SYNPO2: variants seen among roughly 807,000 people sequenced by gnomAD.
The protein encoded by SYNPO2 is synaptopodin-2.
SYNPO2 carries 56 observed loss-of-function variants against 85.0 expected under a neutral mutation model. The ratio of observed to expected loss-of-function variants is 0.66; its 90% confidence interval spans 0.53 to 0.82. The LOEUF (loss-of-function observed/expected upper bound fraction) is 0.82, where lower values mean the gene tolerates loss of function less well. Ranked by LOEUF, SYNPO2 falls within the 40% of genes least tolerant of loss-of-function variation. The pLI is 0.00. For synonymous variants in SYNPO2, 602 were observed against 591.1 expected (o/e 1.02, Z -0.27); for missense variants, 1,575 against 1,534.2 (o/e 1.03, Z -0.44).
intron 1 of SYNPO2, among the ~76,000 whole-genome samples, chr4:118,864,618 C>T (rs1474668645): frequency 1.3e-5 from 2 of 152,110 alleles, no homozygotes; most frequent in Non-Finnish European, 2.9e-5. Context: ...TATCCGGGTG[C>T]GTGCTCTAGT....
chr4:118,982,930 T>G (rs766489185), intron 1 of SYNPO2, among the ~76,000 whole-genome samples: 2 of 151,842 alleles, frequency 1.3e-5, no homozygotes, highest in Non-Finnish European at 2.9e-5. Flanking sequence ...TAAAGAAAGA[T>G]CTGGAAGCTA....
chr4:118,850,915 A>T (rs1201242268), exon 1 of SYNPO2: 3 of 398,646 alleles, frequency 7.5e-6, no homozygotes, highest in Admixed American at 8.8e-5. Flanking sequence ...CACAAAAGAG[A>T]TGAGACAAGA....
At chr4:118,989,548 A>G (rs1039103671) in intron 1 of SYNPO2, among the ~76,000 whole-genome samples, 1 of 152,156 alleles carries the variant, frequency 6.6e-6, no homozygotes, top group East Asian at 1.9e-4. Flanking sequence ...AGAGTCACGG[A>G]CTCGTTTTAT....
At chr4:119,035,813 G>C (rs1738484847) in intron 4 of SYNPO2, 1 of 863,236 alleles carries the variant, frequency 1.2e-6, no homozygotes, top group Non-Finnish European at 1.3e-6. Context: ...TCACATCTGA[G>C]ATGTCCAAAA....
intron 1 of SYNPO2, among the ~76,000 whole-genome samples, chr4:118,930,933 AAAAAT>A (rs1274943279): frequency 1.3e-5 from 2 of 150,600 alleles, no homozygotes; most frequent in East Asian, 1.9e-4. Flanking sequence ...AAAAAAAAAA[AAAAAT>A]GGTAAGTATC....
intron 1 of SYNPO2, among the ~76,000 whole-genome samples, chr4:118,909,934 C>A (rs1733079005): frequency 6.6e-6 from 1 of 152,178 alleles, no homozygotes; most frequent in Non-Finnish European, 1.5e-5. Flanking sequence ...ATTTACTGAT[C>A]ATTCACAATG....
At chr4:118,921,644 A>C (rs1191654793) in intron 1 of SYNPO2, among the ~76,000 whole-genome samples, 1 of 152,244 alleles carries the variant, frequency 6.6e-6, no homozygotes, top group East Asian at 1.9e-4. Flanking sequence ...CTCCATAGCA[A>C]AGCCAAAGCT....
chr4:119,030,233 C>T lies in SYNPO2; in HGVS notation c.1458C>T (p.Asp486=). 6.2e-7 allele frequency: 1 copy of T among 1,613,926 alleles called. No homozygotes were observed. Among genetic ancestry groups the T allele is most frequent in the South Asian group, 1.1e-5 (1 of 91,056 alleles). Residue 486 remains aspartate, a synonymous_variant, in exon 4 of 5, where the codon GAC becomes GAT. Coordinates refer to ENST00000307142, the MANE Select transcript of SYNPO2 (RefSeq NM_133477.3). ...NRGDKMEMLP[D]TTGKGALMFA... ...GGGACAAGATGGAGATGTTACCAGACACCACAGGCAAGGGAGCCCTCATGT... is the reference window on the plus strand; with the variant it reads ...GGGACAAGATGGAGATGTTACCAGATACCACAGGCAAGGGAGCCCTCATGT...
intron 1 of SYNPO2, among the ~76,000 whole-genome samples, chr4:118,976,837 T>C (rs1341789781): frequency 8.0e-5 from 12 of 150,334 alleles, no homozygotes; most frequent in South Asian, 2.1e-4. Context: ...CTCCACGTCC[T>C]CACCAGAGCA....
intron 1 of SYNPO2, among the ~76,000 whole-genome samples, chr4:118,941,206 A>T (rs941785692): frequency 1.2e-4 from 18 of 152,120 alleles, no homozygotes; most frequent in Admixed American, 2.6e-4. Context: ...TTGAGCCAGA[A>T]ACCTTGACTT....
chr4:119,051,160 T>C (rs1212363200), intron 4 of SYNPO2, among the ~76,000 whole-genome samples: 1 of 145,496 alleles, frequency 6.9e-6, no homozygotes, highest in Non-Finnish European at 1.5e-5. Flanking sequence ...GTTAGCAGAA[T>C]CACTGGGGTA....
chr4:118,930,230 A>G (rs1239066092), intron 1 of SYNPO2, among the ~76,000 whole-genome samples: 2 of 152,196 alleles, frequency 1.3e-5, no homozygotes, highest in African/African-American at 4.8e-5. Context: ...TTTCCATTTT[A>G]CAGACCTAGA....
chr4:118,900,701 CTCTATATATATATATATATATA>C (rs1442442118), intron 1 of SYNPO2, among the ~76,000 whole-genome samples: 1 of 27,186 alleles, frequency 3.7e-5, no homozygotes, highest in African/African-American at 9.3e-5. Context: ...CTCTCTCTCT[CTCTATATATATATATATATATA>C]TATATATATG....
At chr4:119,013,985 G>A (rs1289073772) in intron 1 of SYNPO2, among the ~76,000 whole-genome samples, 2 of 152,156 alleles carry the variant, frequency 1.3e-5, no homozygotes, top group Non-Finnish European at 2.9e-5. Context: ...TACCCTATAA[G>A]ACTATCAATG....
At chr4:119,034,057 A>T in intron 4 of SYNPO2, 1 of 985,468 alleles carries the variant, frequency 1.0e-6, no homozygotes, top group Non-Finnish European at 1.2e-6. Flanking sequence ...ACCAATTAAG[A>T]TTAATACAGG....
At chr4:118,859,349 T>C (rs557017122) in intron 1 of SYNPO2, among the ~76,000 whole-genome samples, 26 of 152,338 alleles carry the variant, frequency 1.7e-4, no homozygotes, top group African/African-American at 6.3e-4. Flanking sequence ...AGGCATGTAA[T>C]GCATAATAAT....
At chr4:118,855,248 A>G (rs1731484376) in intron 1 of SYNPO2, among the ~76,000 whole-genome samples, 1 of 152,022 alleles carries the variant, frequency 6.6e-6, no homozygotes, top group Non-Finnish European at 1.5e-5. Flanking sequence ...TAAATCTTCT[A>G]TTTTTAGTTG....
chr4:119,031,922 G>T lies in SYNPO2; in HGVS notation c.3147G>T (p.Val1049=). ...CCTCACCAGTCAGTGCATCCCCAGT[G>T]CCTGTGGGCATTCCCACCTCGCCAA... ...EASSPVSASP[V]PVGIPTSPKQ... is the part of the protein sequence containing the mutation. The change falls in exon 4 of 5, where the codon GTG becomes GTT. Residue 1049 remains valine (V), a synonymous_variant. Transcript: ENST00000307142. 6.2e-7 allele frequency: 1 copy of T among 1,614,218 alleles called. No homozygotes were observed.
At chr4:118,966,907 G>A (rs1016419060) in intron 1 of SYNPO2, among the ~76,000 whole-genome samples, 1 of 152,158 alleles carries the variant, frequency 6.6e-6, no homozygotes, top group African/African-American at 2.4e-5. Context: ...AGCTCTGAAT[G>A]ATTAGTTAAT....
Sources: gnomAD v4.1 joint callset for allele counts (sites outside exome capture counted in the v4.1 genomes callset) on GRCh38, gnomAD v4.1.1 for gene constraint, MANE v1.5 for transcripts, NCBI Gene and HGNC (gene_info 2026-07-23, HGNC 2026-07-21) for gene names.